Variants in PCDHGA3 observed in about 807,000 individuals in gnomAD.
PCDHGA3 encodes the protein protocadherin gamma-A3.
A neutral mutation model predicts 58.5 loss-of-function variants in PCDHGA3; 40 were observed. The ratio of observed to expected loss-of-function variants is 0.68; its 90% CI spans 0.53 to 0.89. The LOEUF is 0.89. Ranked by LOEUF, PCDHGA3 falls within the 40% of genes least tolerant of loss-of-function variation. The pLI is 0.00. For missense variants in PCDHGA3, 1,223 were observed against 1,195.9 expected (o/e 1.02, Z -0.33); for synonymous variants, 530 against 525.7 (o/e 1.01, Z -0.11).
chr5:141,394,127 C>T lies in PCDHGA3; in HGVS notation c.2424+47670C>T, dbSNP rs376102299. 4.0e-5 allele frequency: 64 copies of T among 1,613,960 alleles called. No homozygotes were observed. The African/African-American group carries it at 7.1e-4, about 18-fold the overall frequency. ...CACCTCTGTCCACTGAAACTCAAAT[C>T]GCTCTGCACGTGGCAGACATTAACG... is the stretch of plus-strand genomic sequence containing the variant. On this transcript the variant is annotated intron_variant, in intron 1 of 3. Transcript: ENST00000253812.
rs766784928 is a variant in PCDHGA3, at chr5:141,431,447, G to T, written c.2425-63360G>T. ...GCGCACAGGCACCGCGCGCATCCGC[G>T]TGATGGTTCTGGATGCGAACGACAA... On this transcript the variant is annotated intron_variant, in intron 1 of 3. Coordinates refer to ENST00000253812, the MANE Select transcript of PCDHGA3 (RefSeq NM_018916.4). The surrounding 1 kb of genome is among the most constrained non-coding windows in gnomAD (Gnocchi z 4.8). 2 of 1,613,792 alleles carry T rather than the reference G, an allele frequency of 1.2e-6. No individual in the cohort carries two copies. The highest frequency in any genetic ancestry group is 1.7e-6 in the Non-Finnish European group (2 of 1,180,014).
rs2149992111 is a variant in PCDHGA3 at position 141,371,797 on chromosome 5, G to A, written c.2424+25340G>A. On this transcript the variant is annotated intron_variant, in intron 1 of 3. Transcript: ENST00000253812. ...CATGTAGCTGAGAACAATCCGCCTG[G>A]AGCCTCCATTGCGCATGTCAGAGCC... 1.9e-6 allele frequency: 3 copies of A among 1,613,898 alleles called. No homozygotes were observed. In the East Asian group the frequency reaches 6.7e-5, roughly 36 times the overall value.
At chr5:141,465,293 G>A (rs1407146382) in intron 1 of PCDHGA3, among the ~76,000 whole-genome samples, 2 of 152,258 alleles carry the variant, frequency 1.3e-5, no homozygotes, top group South Asian at 2.1e-4. Flanking sequence ...AAAGAACTGA[G>A]AGTCCTGGGA....
rs1209255886 is a variant in PCDHGA3, at chr5:141,344,197, A to T, written c.164A>T (p.Glu55Val). 1 of 1,614,016 alleles carries T rather than the reference A, an allele frequency of 6.2e-7. No homozygotes were observed. The highest frequency in any genetic ancestry group is 8.5e-7 in the Non-Finnish European group (1 of 1,179,904). The change falls in exon 1 of 4, where the codon GAG becomes GTG. Residue 55 changes from glutamate (E) to valine (V), a missense_variant. Physicochemically the swap from Glu to Val is moderately radical, Grantham distance 121 (BLOSUM62 -2). Around this residue, in one of 3 missense-constraint regions of PCDHGA3, gnomAD observed 791 missense variants for 708.5 expected, o/e 1.12. Coordinates refer to ENST00000253812, the MANE Select transcript of PCDHGA3 (RefSeq NM_018916.4). ...VGNIANDLGL[E>V]PRELAERGVR... ...AACATCGCTAACGACCTGGGGCTAG[A>T]GCCCCGGGAGCTGGCGGAGCGCGGA...
rs552017054 is a variant in PCDHGA3 at position 141,425,594 on chromosome 5, A to G, written c.2425-69213A>G. On this transcript the variant is annotated intron_variant, in intron 1 of 3. Transcript: ENST00000253812. ...GGGTTTGGCTAACTTTATTCTGAAT[A>G]TGCCCTATATAGCTTTCAGTGCTCC... 2.6e-5 allele frequency among the ~76,000 whole-genome samples: 4 copies of G among 152,370 alleles called. No homozygotes were observed. In the South Asian group the frequency reaches 8.3e-4, roughly 32 times the overall value.
At chr5:141,478,519 G>T (rs778194073) in intron 1 of PCDHGA3, 19 of 1,610,728 alleles carry the variant, frequency 1.2e-5, no homozygotes, top group Non-Finnish European at 1.6e-5. Flanking sequence ...GGCAGGTGTT[G>T]GGTGCAGAGA....
At chr5:141,510,677 A>G (rs2099882239) in intron 3 of PCDHGA3, among the ~76,000 whole-genome samples, 2 of 152,212 alleles carry the variant, frequency 1.3e-5, no homozygotes, top group African/African-American at 4.8e-5. Context: ...CTGAAGTGGC[A>G]TAAGGAGGTT....
chr5:141,365,813 A>G, intron 1 of PCDHGA3: 1 of 1,613,876 alleles, frequency 6.2e-7, no homozygotes, highest in East Asian at 2.2e-5. Flanking sequence ...GGCTGAAGAC[A>G]CATTTCAGGG....
At chr5:141,482,606 T>G (rs2099569173) in intron 1 of PCDHGA3, among the ~76,000 whole-genome samples, 1 of 146,712 alleles carries the variant, frequency 6.8e-6, no homozygotes, top group African/African-American at 2.6e-5. Context: ...AAAAAACACC[T>G]AAATGAGCCT....
chr5:141,356,968 A>G (rs373724298), intron 1 of PCDHGA3: 2 of 1,614,130 alleles, frequency 1.2e-6, no homozygotes, highest in African/African-American at 2.7e-5. Flanking sequence ...CCTGGTGACC[A>G]AAGTGGTGGC....
At position 141,358,718 on chromosome 5, in the gene PCDHGA3, G is replaced by A. The variant is rs546163361; in HGVS notation, c.2424+12261G>A. Among the ~76,000 whole-genome samples, 15 of 152,266 alleles carry A rather than the reference G, an allele frequency of 9.9e-5. No individual in the cohort carries two copies. In the South Asian group the frequency reaches 3.1e-3, roughly 32 times the overall value. On this transcript the variant is annotated intron_variant, in intron 1 of 3. Transcript: ENST00000253812. ...CTATTGAGACTTTCTTGATTTCCAA[G>A]GAAAATATAAGTTTTTGGAGTCTTT...
At chr5:141,393,326 G>C (rs2092729554) in intron 1 of PCDHGA3, 2 of 1,611,218 alleles carry the variant, frequency 1.2e-6, no homozygotes, top group Non-Finnish European at 1.7e-6. Context: ...AGAGCTACCA[G>C]CTCAGCCCCA....
At position 141,477,795 on chromosome 5, in the gene PCDHGA3, G is replaced by T. The variant is rs778851755; in HGVS notation, c.2425-17012G>T. The T allele has an allele frequency of 1.2e-5, 19 of 1,613,946 alleles. 1 individual carries two copies. In the South Asian group the frequency reaches 1.6e-4, roughly 14 times the overall value. On this transcript the variant is annotated intron_variant, in intron 1 of 3. Transcript: ENST00000253812. The surrounding 1 kb of genome is among the most constrained non-coding windows in gnomAD (Gnocchi z 4.9). ...AGCGTGAACATATTTGTCACTGATC[G>T]CAATGACAATGCCCCCCAGGTCCTA...
rs778054090 is a variant in PCDHGA3 at position 141,505,509 on chromosome 5, G to C, written c.2572+28G>C. On this transcript the variant is annotated intron_variant, in intron 3 of 3. Coordinates refer to ENST00000253812, the MANE Select transcript of PCDHGA3 (RefSeq NM_018916.4). ...AAGTGGTGTCAGTGTGTGTATGGAA[G>C]AGTGGGAGACCTGGGGTTCTGGGGT... The C allele has an allele frequency of 3.7e-6, 6 of 1,614,058 alleles. No homozygotes were observed. The East Asian group carries it at 1.1e-4, about 30-fold the overall frequency.
At chr5:141,361,539 C>T (rs754978831) in intron 1 of PCDHGA3, 2 of 1,614,028 alleles carry the variant, frequency 1.2e-6, no homozygotes, top group South Asian at 1.1e-5. Context: ...ATCCTCCTGG[C>T]GCCTCTATCG....
chr5:141,463,480 G>A (rs964539275), intron 1 of PCDHGA3, among the ~76,000 whole-genome samples: 3 of 114,320 alleles, frequency 2.6e-5, no homozygotes, highest in African/African-American at 1.1e-4. Context: ...ATGGAGTCTC[G>A]CTCTGTCACC....
At chr5:141,474,398 C>A (rs1381347745) in intron 1 of PCDHGA3, among the ~76,000 whole-genome samples, 3 of 152,212 alleles carry the variant, frequency 2.0e-5, no homozygotes, top group Non-Finnish European at 4.4e-5. Context: ...TTCTAACAAG[C>A]TCCCCGGTGA....
At position 141,489,318 on chromosome 5, in the gene PCDHGA3, G is replaced by T; in HGVS notation, c.2425-5489G>T. On this transcript the variant is annotated intron_variant, in intron 1 of 3. Coordinates refer to ENST00000253812, the MANE Select transcript of PCDHGA3 (RefSeq NM_018916.4). The surrounding 1 kb of genome is among the most constrained non-coding windows in gnomAD (Gnocchi z 4.5). ...TGTTGTCCTTGTGCTGCTGGGGCTG[G>T]GTGTCTGGGCAGCTTCGTTACTCAG... The T allele has an allele frequency of 6.3e-7, 1 of 1,599,092 alleles. No homozygotes were observed. Among genetic ancestry groups the T allele is most frequent in the Non-Finnish European group, 8.5e-7 (1 of 1,171,660 alleles).
chr5:141,428,201 CT>C (rs1332694675), intron 1 of PCDHGA3: 1 of 1,349,696 alleles, frequency 7.4e-7, no homozygotes, highest in South Asian at 1.2e-5. Context: ...CTCTGCGCCG[CT>C]ACGCTTCACC....
Sources: gnomAD v4.1 joint callset for allele counts (sites outside exome capture counted in the v4.1 genomes callset) on GRCh38, gnomAD v4.1.1 for gene constraint, gnomAD v4.1.1 regional missense constraint, Gnocchi (gnomAD v3.1) non-coding constraint, MANE v1.5 for transcripts, NCBI Gene and HGNC (gene_info 2026-07-23, HGNC 2026-07-21) for gene names.